GATAD2A: variants seen among roughly 807,000 people sequenced by gnomAD.
GATAD2A encodes the protein GATA zinc finger domain containing 2A, also known as transcriptional repressor p66-alpha.
GATAD2A carries 12 observed loss-of-function variants against 68.5 expected under a neutral mutation model. The ratio of observed to expected loss-of-function variants is 0.18; its 90% CI spans 0.11 to 0.28. The LOEUF is 0.28. GATAD2A is among the 10% of genes least tolerant of loss of function. The probability of loss-of-function intolerance (pLI) is 1.00; values close to 1 mark genes in which losing one functional copy is unlikely to be tolerated. For synonymous variants in GATAD2A, 410 were observed against 375.3 expected (o/e 1.09, Z -1.07); for missense variants, 755 against 868.5 (o/e 0.87, Z 1.64).
intron 1 of GATAD2A, among the ~76,000 whole-genome samples, chr19:19,460,347 G>A (rs552473130): frequency 3.0e-4 from 46 of 152,350 alleles, no homozygotes; most frequent in African/African-American, 1.0e-3. Flanking sequence ...GCACCTGGGC[G>A]CAGGCTTGCT....
intron 2 of GATAD2A, among the ~76,000 whole-genome samples, chr19:19,477,374 C>T (rs1443032132): frequency 1.3e-5 from 2 of 152,116 alleles, no homozygotes; most frequent in Non-Finnish European, 2.9e-5. Flanking sequence ...GGGGTTCATG[C>T]GACTGAGACT....
In GATAD2A at chr19:19,495,718, G is replaced by A. The variant is rs74680676; in HGVS notation, c.625-36G>A. On this transcript the variant is annotated intron_variant, in intron 5 of 11. Coordinates refer to ENST00000683918, the MANE Select transcript of GATAD2A (RefSeq NM_001384528.1). Reference sequence around the variant, plus strand: ...CTTTAAAAAAAGTGTGGGGGGGTCCGGTCCATGTAAATCTGGGTCTTGGTA... The same window carrying A: ...CTTTAAAAAAAGTGTGGGGGGGTCCAGTCCATGTAAATCTGGGTCTTGGTA... 171 of 1,576,448 alleles carry A rather than the reference G, an allele frequency of 1.1e-4. 1 individual carries two copies. In the East Asian group the frequency reaches 2.9e-3, roughly 27 times the overall value.
chr19:19,477,873 T>TAA (rs2058778961), intron 2 of GATAD2A, among the ~76,000 whole-genome samples: 1 of 152,162 alleles, frequency 6.6e-6, no homozygotes, highest in Non-Finnish European at 1.5e-5. Context: ...AGGTCCTGGG[T>TAA]GACCTGGCCA....
chr19:19,405,426 C>T (rs2050101955), upstream of GATAD2A, among the ~76,000 whole-genome samples: 2 of 152,176 alleles, frequency 1.3e-5, no homozygotes, highest in Non-Finnish European at 1.5e-5. Flanking sequence ...GGCTTTGCCG[C>T]CGGTGAGTTG....
intron 2 of GATAD2A, among the ~76,000 whole-genome samples, chr19:19,483,989 G>T (rs2059242045): frequency 6.6e-6 from 1 of 151,912 alleles, no homozygotes; most frequent in East Asian, 1.9e-4. Context: ...TCTATCAGCT[G>T]AGTGTCTCTG....
chr19:19,465,883 C>T (rs1012264095), intron 2 of GATAD2A, among the ~76,000 whole-genome samples: 32 of 152,092 alleles, frequency 2.1e-4, no homozygotes, highest in Admixed American at 1.3e-4. Context: ...CATCAGTAGG[C>T]CTTTGCCACC....
chr19:19,450,863 C>T (rs1299095246), intron 1 of GATAD2A, among the ~76,000 whole-genome samples: 12 of 151,758 alleles, frequency 7.9e-5, no homozygotes, highest in Admixed American at 4.6e-4. Context: ...CTCCGCCTCC[C>T]GGTTTCAAGC....
Position 19,498,714 on chromosome 19 carries a change from A to G in GATAD2A, c.1196A>G (p.Glu399Gly). The change falls in exon 8 of 12, where the codon GAG (glutamate) becomes GGG (glycine). Residue 399 changes from glutamate (E) to glycine (G), a missense_variant. Physicochemically the swap from Glu to Gly is moderately conservative, Grantham distance 98 (BLOSUM62 -2). Coordinates refer to ENST00000683918, the MANE Select transcript of GATAD2A (RefSeq NM_001384528.1). ...GAGGAGGTGGTGCAGAACCTACTGG[A>G]GACACAAGGTGAGTGGCCTGGACCC... ...GLEEVVQNLL[E>G]TQAGRMSAAT... is the part of the protein sequence containing the mutation. 6.2e-7 allele frequency: 1 copy of G among 1,608,416 alleles called. No individual in the cohort carries two copies. Among genetic ancestry groups the G allele is most frequent in the Non-Finnish European group, 8.5e-7 (1 of 1,176,152 alleles).
At chr19:19,477,152 CTG>C (rs2058726180) in intron 2 of GATAD2A, among the ~76,000 whole-genome samples, 1 of 152,142 alleles carries the variant, frequency 6.6e-6, no homozygotes, top group Non-Finnish European at 1.5e-5. Context: ...TTTGGAAACA[CTG>C]AGTTACCTGT....
At position 19,505,620 on chromosome 19, in the gene GATAD2A, A is replaced by AATTGAGGTCTTG; in HGVS notation, c.*146_*147insATTGAGGTCTTG. On this transcript the variant is annotated 3_prime_UTR_variant, in exon 12 of 12. Transcript: ENST00000683918. ...GCACCGGCCATGCTGCAGAGGCAAGACCTCAATTCTTGGCTGCAAAGTTTC... is the reference window on the plus strand; with the variant it reads ...GCACCGGCCATGCTGCAGAGGCAAGAATTGAGGTCTTGCCTCAATTCTTGGCTGCAAAGTTTC... 1.5e-6 allele frequency: 1 copy of AATTGAGGTCTTG among 681,222 alleles called. No homozygotes were observed. The highest frequency in any genetic ancestry group is 2.3e-6 in the Non-Finnish European group (1 of 435,978). The allele number at this position is 681,222 out of a possible 1,614,324, so 42.2% of individuals were successfully genotyped here. A position where few individuals can be genotyped will look rare whatever the true frequency, so the allele number is the denominator to read the frequency against.
rs1366389126 is a variant in GATAD2A at position 19,505,955 on chromosome 19, C to T, written c.*481C>T. ...CCAGTCTTTGACTGCCTTCCCATGGCGATCTATAAGTTGAAAGATTTTTTT... is the reference window on the plus strand; with the variant it reads ...CCAGTCTTTGACTGCCTTCCCATGGTGATCTATAAGTTGAAAGATTTTTTT... On this transcript the variant is annotated 3_prime_UTR_variant, in exon 12 of 12. Coordinates refer to ENST00000683918, the MANE Select transcript of GATAD2A (RefSeq NM_001384528.1). 2 of 398,688 alleles carry T rather than the reference C, an allele frequency of 5.0e-6. No homozygotes were observed. Among genetic ancestry groups the T allele is most frequent in the Non-Finnish European group, 8.8e-6 (2 of 226,164 alleles). The allele number at this position is 398,688 out of a possible 1,614,324, so 24.7% of individuals were successfully genotyped here. A position where few individuals can be genotyped will look rare whatever the true frequency, so the allele number is the denominator to read the frequency against.
At chr19:19,466,395 C>T (rs567626061) in intron 2 of GATAD2A, among the ~76,000 whole-genome samples, 5 of 152,300 alleles carry the variant, frequency 3.3e-5, no homozygotes, top group South Asian at 2.1e-4. Flanking sequence ...CACAGCTTCC[C>T]GGCTGGCCCT....
At chr19:19,418,925 G>T (rs1040121687) in intron 1 of GATAD2A, among the ~76,000 whole-genome samples, 5 of 152,152 alleles carry the variant, frequency 3.3e-5, no homozygotes, top group Non-Finnish European at 1.5e-5. Flanking sequence ...GACCCAAACA[G>T]GGTCATTTTG....
chr19:19,455,130 G>T (rs1393747267), intron 1 of GATAD2A, among the ~76,000 whole-genome samples: 1 of 152,150 alleles, frequency 6.6e-6, no homozygotes, highest in Non-Finnish European at 1.5e-5. Context: ...TGAGGCAGGA[G>T]GATCTCTTGA....
chr19:19,462,162 G>T (rs1411056303), intron 1 of GATAD2A, among the ~76,000 whole-genome samples: 1 of 152,200 alleles, frequency 6.6e-6, no homozygotes, highest in East Asian at 1.9e-4. Flanking sequence ...TCTTCTTCCT[G>T]ACAACTTTGC....
At chr19:19,421,859 C>A (rs572271969) in intron 1 of GATAD2A, among the ~76,000 whole-genome samples, 36 of 151,862 alleles carry the variant, frequency 2.4e-4, no homozygotes. Context: ...CACTCTGTTG[C>A]CCAGGCTGGG....
upstream of GATAD2A, among the ~76,000 whole-genome samples, chr19:19,400,933 GA>G (rs1215058845): frequency 6.6e-6 from 1 of 151,978 alleles, no homozygotes; most frequent in East Asian, 1.9e-4. Context: ...TTGAGGCTAG[GA>G]GTTTGAGACC....
chr19:19,457,080 C>T (rs970093277), intron 1 of GATAD2A: 1 of 985,016 alleles, frequency 1.0e-6, no homozygotes, highest in Non-Finnish European at 1.2e-6. Context: ...TCCAGTCCTT[C>T]AACTCAGAGC....
chr19:19,390,531 A>C (rs1441381947), intron 1 of GATAD2A, among the ~76,000 whole-genome samples: 1 of 152,156 alleles, frequency 6.6e-6, no homozygotes, highest in Non-Finnish European at 1.5e-5. Flanking sequence ...CTGATACCAG[A>C]TGTGAGATGG....
Sources: allele counts gnomAD v4.1 joint callset (sites outside exome capture counted in the v4.1 genomes callset), GRCh38; gene constraint gnomAD v4.1.1; transcripts MANE v1.5; gene names NCBI Gene and HGNC (gene_info 2026-07-23, HGNC 2026-07-21).